SYT16: variants seen among roughly 807,000 people sequenced by gnomAD.
SYT16 encodes the protein synaptotagmin-16.
SYT16 carries 42 observed loss-of-function variants against 61.4 expected under a neutral mutation model. That is an observed-to-expected ratio of 0.68 (90% CI 0.53 to 0.89). The LOEUF (loss-of-function observed/expected upper bound fraction) is 0.89. Among genes scored for constraint, SYT16 ranks in the 40% least tolerant of loss-of-function variants. SYT16 has a pLI of 0.00. For synonymous variants in SYT16, 314 were observed against 302.3 expected (o/e 1.04, Z -0.40); for missense variants, 804 against 807.3 (o/e 1.00, Z 0.05).
At chr14:62,040,857 G>C (rs1050178789) in intron 3 of SYT16, among the ~76,000 whole-genome samples, 19 of 152,230 alleles carry the variant, frequency 1.2e-4, no homozygotes, top group African/African-American at 2.9e-4. Flanking sequence ...GGTGTGGTAC[G>C]TTTGTTACAA....
intron 1 of SYT16, among the ~76,000 whole-genome samples, chr14:61,934,508 G>A (rs1169077313): frequency 1.3e-5 from 2 of 152,254 alleles, no homozygotes; most frequent in South Asian, 2.1e-4. Context: ...GGGAAGAAAT[G>A]ATGTGGTTTG....
chr14:61,904,885 G>A (rs1423196301), intron 1 of SYT16, among the ~76,000 whole-genome samples: 2 of 152,132 alleles, frequency 1.3e-5, no homozygotes, highest in African/African-American at 4.8e-5. Context: ...AGGACCTCTG[G>A]GAGGTTAGAA....
chr14:62,096,273 G>A (rs560556306), intron 7 of SYT16, among the ~76,000 whole-genome samples: 1 of 152,082 alleles, frequency 6.6e-6, no homozygotes, highest in African/African-American at 2.4e-5. Flanking sequence ...TGAAAGGCAG[G>A]TAGAAGGTAG....
At position 62,011,926 on chromosome 14, in the gene SYT16, C is replaced by CATAT. The variant is rs142408466; in HGVS notation, c.523+15397_523+15400dup. 8.1e-4 allele frequency among the ~76,000 whole-genome samples: 107 copies of CATAT among 132,802 alleles called. 6 individuals are homozygous for CATAT. Among genetic ancestry groups the CATAT allele is most frequent in the East Asian group, 5.4e-3 (26 of 4,776 alleles). The allele number at this position is 132,802 out of a possible 152,430, so 87.1% of individuals were successfully genotyped here. ...ACACATATATATACACACACACACA[C>CATAT]ATATATATATATATATTTGATGCTG... is the stretch of plus-strand genomic sequence containing the variant. On this transcript the variant is annotated intron_variant, in intron 3 of 7. Coordinates refer to ENST00000683842, the MANE Select transcript of SYT16 (RefSeq NM_001367656.1).
intron 3 of SYT16, among the ~76,000 whole-genome samples, chr14:62,049,144 A>G (rs1212192051): frequency 1.3e-5 from 2 of 152,192 alleles, no homozygotes; most frequent in Admixed American, 1.3e-4. Context: ...GACTTGCTTT[A>G]TGAATCTGGG....
intron 1 of SYT16, among the ~76,000 whole-genome samples, chr14:61,907,478 T>G (rs1354189938): frequency 6.6e-6 from 1 of 152,236 alleles, no homozygotes; most frequent in Non-Finnish European, 1.5e-5. Flanking sequence ...GCTGTGTGAT[T>G]CTGGCTCAGG....
intron 1 of SYT16, among the ~76,000 whole-genome samples, chr14:61,910,075 G>C (rs937782319): frequency 6.6e-6 from 1 of 152,134 alleles, no homozygotes; most frequent in African/African-American, 2.4e-5. Flanking sequence ...CTCTAAATTT[G>C]ACAAGTATGC....
intron 1 of SYT16, among the ~76,000 whole-genome samples, chr14:61,886,864 CTTATTTTTTTTTTGTCTT>C (rs1225804410): frequency 1.5e-5 from 2 of 131,278 alleles, no homozygotes; most frequent in African/African-American, 2.8e-5. Context: ...GGGAGTTACG[CTTATTTTTTTTTTGTCTT>C]TTTTTTTTTT....
Position 61,952,059 on chromosome 14 carries a change from A to G in SYT16, c.-324-18073A>G, listed in dbSNP as rs11851311. 6.6e-3 allele frequency among the ~76,000 whole-genome samples: 1,001 copies of G among 151,942 alleles called. 13 individuals carry two copies. The highest frequency in any genetic ancestry group is 0.022 in the African/African-American group (918 of 41,440). On this transcript the variant is annotated intron_variant, in intron 1 of 7. Transcript: ENST00000683842. The stretch of plus-strand genomic sequence containing the variant: ...TGCCTCAGCCTCACAAAGTGTTGGG[A>G]TTATAGGCATGAGCCACTGTGCCTG...
intron 5 of SYT16, among the ~76,000 whole-genome samples, chr14:62,078,644 C>T (rs543153747): frequency 5.3e-5 from 8 of 152,238 alleles, no homozygotes; most frequent in African/African-American, 1.9e-4. Flanking sequence ...GTTGAATTGG[C>T]CACCACTCAG....
In SYT16 at chr14:62,045,260, A is replaced by G. The variant is rs557737087; in HGVS notation, c.524-24343A>G. Among the ~76,000 whole-genome samples the G allele has an allele frequency of 5.9e-5, 9 of 152,294 alleles. No individual in the cohort carries two copies. In the South Asian group the frequency reaches 1.9e-3, roughly 32 times the overall value. ...TATAAATTATCTTCCTTGAGTTTACATTATTCTCATATAATTATATGGGAA... is the reference window on the plus strand; with the variant it reads ...TATAAATTATCTTCCTTGAGTTTACGTTATTCTCATATAATTATATGGGAA... On this transcript the variant is annotated intron_variant, in intron 3 of 7. Transcript: ENST00000683842.
At position 61,863,952 on chromosome 14, in the gene SYT16, G is replaced by A. The variant is rs1447877205; in HGVS notation, c.-325+51142G>A. 2.0e-5 allele frequency among the ~76,000 whole-genome samples: 3 copies of A among 152,244 alleles called. No individual in the cohort carries two copies. The East Asian group carries it at 5.8e-4, about 29-fold the overall frequency. On this transcript the variant is annotated intron_variant, in intron 1 of 7. Transcript: ENST00000683842. ...ATGTGGGTCTAATTCTTGGCCCTCT[G>A]TTTTATTCTATTGATCGATTTATTC...
At chr14:61,841,269 AGC>A (rs1255838988) in intron 1 of SYT16, among the ~76,000 whole-genome samples, 1 of 152,236 alleles carries the variant, frequency 6.6e-6, no homozygotes, top group African/African-American at 2.4e-5. Context: ...ATTCATTCTT[AGC>A]AGACATTGTA....
chr14:61,900,160 T>C (rs1269162522), intron 1 of SYT16, among the ~76,000 whole-genome samples: 1 of 3,202 alleles, frequency 3.1e-4, no homozygotes, highest in East Asian at 0.17. Context: ...AATTTCTGCT[T>C]TTTTTTTTTT....
chr14:62,034,006 A>G (rs1339910088), intron 3 of SYT16, among the ~76,000 whole-genome samples: 1 of 152,162 alleles, frequency 6.6e-6, no homozygotes, highest in Non-Finnish European at 1.5e-5. Context: ...TATTACAGCT[A>G]AATAATAAAA....
intron 1 of SYT16, among the ~76,000 whole-genome samples, chr14:61,847,303 GAT>G (rs1289725148): frequency 6.6e-6 from 1 of 152,014 alleles, no homozygotes; most frequent in Non-Finnish European, 1.5e-5. Flanking sequence ...ATCTTTGAAG[GAT>G]ATTTTTGCTA....
chr14:61,875,285 C>T (rs1359541861), intron 1 of SYT16, among the ~76,000 whole-genome samples: 4 of 152,138 alleles, frequency 2.6e-5, no homozygotes, highest in Non-Finnish European at 5.9e-5. Flanking sequence ...CCTGTATCTC[C>T]CTTCTGTGAC....
chr14:61,972,623 C>T (rs1048580404), intron 2 of SYT16, among the ~76,000 whole-genome samples: 5 of 152,186 alleles, frequency 3.3e-5, no homozygotes, highest in Non-Finnish European at 5.9e-5. Context: ...CTTTGAAAAA[C>T]GTGCTTCTAC....
At chr14:61,984,864 C>G (rs1021907765) in intron 2 of SYT16, among the ~76,000 whole-genome samples, 2 of 152,140 alleles carry the variant, frequency 1.3e-5, no homozygotes, top group Non-Finnish European at 2.9e-5. Context: ...AACAGTGCTT[C>G]CCAGTTCTTA....
Sources: allele counts gnomAD v4.1 joint callset (sites outside exome capture counted in the v4.1 genomes callset), GRCh38; gene constraint gnomAD v4.1.1; transcripts MANE v1.5; gene names NCBI Gene and HGNC (gene_info 2026-07-23, HGNC 2026-07-21).